PCSK6: variants seen among roughly 807,000 people sequenced by gnomAD.
PCSK6 encodes the protein proprotein convertase subtilisin/kexin type 6, also known as paired basic amino acid cleaving enzyme 4.
A neutral mutation model predicts 123.3 loss-of-function variants in PCSK6; 85 were observed. That is an observed-to-expected ratio of 0.69 (90% CI 0.58 to 0.83). The LOEUF is 0.83. Ranked by LOEUF, PCSK6 falls within the 40% of genes least tolerant of loss-of-function variation. The probability of loss-of-function intolerance (pLI) is 0.00; values close to 1 mark genes in which losing one functional copy is unlikely to be tolerated. For missense variants in PCSK6, 1,191 were observed against 1,282.3 expected (o/e 0.93, Z 1.09); for synonymous variants, 508 against 516.0 (o/e 0.98, Z 0.21).
At chr15:101,468,892 A>G (rs1375996775) in intron 1 of PCSK6, among the ~76,000 whole-genome samples, 1 of 152,182 alleles carries the variant, frequency 6.6e-6, no homozygotes, top group Non-Finnish European at 1.5e-5. Context: ...ACAGCTGGAT[A>G]TAGAATTCTA....
At chr15:101,347,302 A>T in intron 13 of PCSK6, 1 of 1,233,770 alleles carries the variant, frequency 8.1e-7, no homozygotes, top group Non-Finnish European at 1.0e-6. Context: ...AGATGTCAAT[A>T]AAACACAGAT....
intron 1 of PCSK6, among the ~76,000 whole-genome samples, chr15:101,449,166 C>A (rs1488577762): frequency 6.6e-6 from 1 of 152,146 alleles, no homozygotes; most frequent in Non-Finnish European, 1.5e-5. Flanking sequence ...AAAATGGCAT[C>A]ATATTTGCAT....
At chr15:101,378,041 C>G (rs545433902) in intron 11 of PCSK6, among the ~76,000 whole-genome samples, 4 of 152,094 alleles carry the variant, frequency 2.6e-5, no homozygotes, top group Admixed American at 6.5e-5. Context: ...TTCAAAGCAG[C>G]GACAGAAGCA....
intron 12 of PCSK6, among the ~76,000 whole-genome samples, chr15:101,370,082 T>G (rs1020238683): frequency 6.6e-6 from 1 of 152,240 alleles, no homozygotes. Context: ...ACAACTCTTT[T>G]GTCACTTCTC....
intron 2 of PCSK6, among the ~76,000 whole-genome samples, chr15:101,432,973 A>G (rs1407639259): frequency 6.6e-6 from 1 of 152,268 alleles, no homozygotes; most frequent in African/African-American, 2.4e-5. Context: ...GGGTGGTGAC[A>G]TTATTGCTAA....
intron 4 of PCSK6, among the ~76,000 whole-genome samples, chr15:101,430,549 T>A (rs2056414840): frequency 1.3e-5 from 2 of 152,278 alleles, no homozygotes; most frequent in African/African-American, 4.8e-5. Flanking sequence ...CTTCATTTTA[T>A]ATTTTCAATA....
chr15:101,459,300 A>G (rs1276460905), intron 1 of PCSK6, among the ~76,000 whole-genome samples: 3 of 152,080 alleles, frequency 2.0e-5, no homozygotes, highest in Non-Finnish European at 2.9e-5. Context: ...CCCAGCTGTA[A>G]GTGTCCAGGC....
chr15:101,364,552 T>C (rs1346793323), intron 13 of PCSK6, among the ~76,000 whole-genome samples: 1 of 152,188 alleles, frequency 6.6e-6, no homozygotes. Context: ...AACCATTCCA[T>C]TTGCAATAGC....
At position 101,370,399 on chromosome 15, in the gene PCSK6, G is replaced by T. The variant is rs1205669391; in HGVS notation, c.1657C>A (p.Arg553=). The T allele has an allele frequency of 3.2e-6, 5 of 1,553,216 alleles. No individual in the cohort carries two copies. Among genetic ancestry groups the T allele is most frequent in the South Asian group, 1.2e-5 (1 of 84,098 alleles). ...ACCAGGTAGATCTGGAGGTCTCCTCGGCGTGGGTGTGAGATGGAGGTGCGA... is the reference window on the plus strand; with the variant it reads ...ACCAGGTAGATCTGGAGGTCTCCTCTGCGTGGGTGTGAGATGGAGGTGCGA... ...VVRTSISHPR[R]GDLQIYLVSP... is the part of the protein sequence containing the mutation. Residue 553 remains arginine (R), a synonymous_variant, in exon 12 of 22, where the codon CGA becomes AGA. Transcript: ENST00000611716.
At chr15:101,359,260 C>A (rs143080593) in intron 13 of PCSK6, among the ~76,000 whole-genome samples, 1 of 152,298 alleles carries the variant, frequency 6.6e-6, no homozygotes, top group Non-Finnish European at 1.5e-5. Flanking sequence ...CCAGTAGGCC[C>A]TAGAAGGTCA....
At chr15:101,465,302 C>T (rs1368196164) in intron 1 of PCSK6, among the ~76,000 whole-genome samples, 1 of 115,834 alleles carries the variant, frequency 8.6e-6, no homozygotes, top group Non-Finnish European at 1.9e-5. Flanking sequence ...AAACACAGGC[C>T]CTAAACCCGC....
At chr15:101,403,082 T>C (rs2042643117) in intron 6 of PCSK6, among the ~76,000 whole-genome samples, 3 of 152,178 alleles carry the variant, frequency 2.0e-5, no homozygotes, top group South Asian at 4.1e-4. Flanking sequence ...CATGGAATAC[T>C]ATGCAGCCAT....
At chr15:101,464,371 T>A (rs2057408039) in intron 1 of PCSK6, among the ~76,000 whole-genome samples, 1 of 151,816 alleles carries the variant, frequency 6.6e-6, no homozygotes, top group Admixed American at 6.6e-5. Context: ...GACAAGGTGG[T>A]TCCCTCACAA....
At chr15:101,314,470 C>T (rs1285680029) in intron 19 of PCSK6, among the ~76,000 whole-genome samples, 1 of 152,230 alleles carries the variant, frequency 6.6e-6, no homozygotes, top group Non-Finnish European at 1.5e-5. Flanking sequence ...AACCTCCTCA[C>T]AGCTGCTTCA....
intron 2 of PCSK6, among the ~76,000 whole-genome samples, chr15:101,435,635 T>C (rs1382045490): frequency 6.6e-6 from 1 of 151,982 alleles, no homozygotes; most frequent in Non-Finnish European, 1.5e-5. Flanking sequence ...GGGCAGGGAG[T>C]TCTAATCATG....
Position 101,351,895 on chromosome 15 carries a change from C to A in PCSK6, c.1858+14301G>T, listed in dbSNP as rs149854049. On this transcript the variant is annotated intron_variant, in intron 13 of 21. Transcript: ENST00000611716. ...GGGGACAGCAAACTAAGGCCAGGAC[C>A]TACCGCCTATTTTATAAAGTGAGGT... 2.5e-3 allele frequency among the ~76,000 whole-genome samples: 385 copies of A among 152,258 alleles called. 2 individuals are homozygous for A. Among genetic ancestry groups the A allele is most frequent in the Middle Eastern group, 6.8e-3 (2 of 294 alleles).
chr15:101,468,974 A>C (rs1269134255), intron 1 of PCSK6, among the ~76,000 whole-genome samples: 1 of 152,224 alleles, frequency 6.6e-6, no homozygotes, highest in African/African-American at 2.4e-5. Context: ...AGAGGTCCCC[A>C]GCTGTTGATC....
intron 6 of PCSK6, among the ~76,000 whole-genome samples, chr15:101,420,209 C>G (rs1316158455): frequency 2.3e-5 from 3 of 128,768 alleles, no homozygotes; most frequent in Admixed American, 7.8e-5. Context: ...AAAAAAAAAG[C>G]TAAACAGGAA....
At chr15:101,449,254 G>A (rs1216743593) in intron 1 of PCSK6, among the ~76,000 whole-genome samples, 16 of 152,132 alleles carry the variant, frequency 1.1e-4, no homozygotes. Context: ...AAATGCTGTG[G>A]AAATAGTTGT....
Sources: gnomAD v4.1 joint callset for allele counts (sites outside exome capture counted in the v4.1 genomes callset) on GRCh38, gnomAD v4.1.1 for gene constraint, MANE v1.5 for transcripts, NCBI Gene and HGNC (gene_info 2026-07-23, HGNC 2026-07-21) for gene names.